UBE2W: variants seen among roughly 807,000 people sequenced by gnomAD.
The protein encoded by UBE2W is ubiquitin-conjugating enzyme E2 W.
UBE2W carries 18 observed loss-of-function variants against 27.2 expected under a neutral mutation model. The observed-to-expected ratio is 0.66, with a 90% CI of 0.46 to 0.98. The LOEUF (loss-of-function observed/expected upper bound fraction) is 0.98, where lower values mean the gene tolerates loss of function less well. Ranked by LOEUF, UBE2W falls within the 50% of genes least tolerant of loss-of-function variation. The pLI is 0.00. For missense variants in UBE2W, 90 were observed against 180.2 expected (o/e 0.50, Z 2.87); for synonymous variants, 53 against 57.2 (o/e 0.93, Z 0.33).
intron 1 of UBE2W, among the ~76,000 whole-genome samples, chr8:73,860,892 C>T (rs1486758625): frequency 6.6e-6 from 1 of 152,058 alleles, no homozygotes; most frequent in African/African-American, 2.4e-5. Context: ...CCCAGCACCT[C>T]AGGAGGCCAA....
At chr8:73,828,911 C>G (rs1283483454) in intron 2 of UBE2W, among the ~76,000 whole-genome samples, 1 of 152,100 alleles carries the variant, frequency 6.6e-6, no homozygotes, top group Non-Finnish European at 1.5e-5. Context: ...GTGCTTTCAT[C>G]ATCCTCGTTA....
chr8:73,827,998 C>T (rs1457759673), intron 2 of UBE2W, among the ~76,000 whole-genome samples: 2 of 152,148 alleles, frequency 1.3e-5, no homozygotes, highest in Non-Finnish European at 2.9e-5. Flanking sequence ...CCATCGAAGC[C>T]TATATGAAAT....
chr8:73,833,385 T>C (rs1810171983), intron 1 of UBE2W, among the ~76,000 whole-genome samples: 1 of 151,930 alleles, frequency 6.6e-6, no homozygotes, highest in African/African-American at 2.4e-5. Context: ...TTTATATGTA[T>C]AATTTTTAAA....
chr8:73,819,057 C>T (rs1038729549), intron 3 of UBE2W, among the ~76,000 whole-genome samples: 1 of 152,158 alleles, frequency 6.6e-6, no homozygotes, highest in African/African-American at 2.4e-5. Context: ...CTACATATTC[C>T]AGATTTAGAG....
chr8:73,788,297 TGAG>T lies in UBE2W; in HGVS notation c.*5802_*5804del. 2.0e-6 allele frequency: 2 copies of T among 984,148 alleles called. No homozygotes were observed. Among genetic ancestry groups the T allele is most frequent in the Non-Finnish European group, 2.4e-6 (2 of 828,744 alleles). The allele number at this position is 984,148 out of a possible 1,614,324, so 61.0% of individuals were successfully genotyped here. On this transcript the variant is annotated 3_prime_UTR_variant, in exon 6 of 6. Transcript: ENST00000602593. ...TAGTGACTTTACATATTTTGCAACT[TGAG>T]TTTATAAAATATATACATCCACCCT...
intron 2 of UBE2W, among the ~76,000 whole-genome samples, 185 bp downstream of exon 2, chr8:73,830,193 CAAT>C (rs903004859): frequency 9.9e-5 from 15 of 151,988 alleles, no homozygotes; most frequent in Non-Finnish European, 1.8e-4. Flanking sequence ...AATTATGCAA[CAAT>C]GTTTATAATG....
intron 1 of UBE2W, among the ~76,000 whole-genome samples, chr8:73,847,349 C>G (rs2130940903): frequency 6.6e-6 from 1 of 152,316 alleles, no homozygotes; most frequent in Admixed American, 6.5e-5. Flanking sequence ...GTAAGACCAG[C>G]TTGGTAGGTA....
At chr8:73,802,627 C>T (rs1351255549) in intron 5 of UBE2W, among the ~76,000 whole-genome samples, 3 of 152,192 alleles carry the variant, frequency 2.0e-5, no homozygotes, top group Admixed American at 1.3e-4. Flanking sequence ...CAGTGGCTCA[C>T]GCCTGTAATC....
intron 1 of UBE2W, among the ~76,000 whole-genome samples, chr8:73,877,306 G>A (rs1812274059): frequency 6.6e-6 from 1 of 152,256 alleles, no homozygotes; most frequent in East Asian, 1.9e-4. Flanking sequence ...AACGTCTCTG[G>A]GGAGACTAGT....
intron 1 of UBE2W, among the ~76,000 whole-genome samples, chr8:73,875,390 T>C (rs918234572): frequency 3.3e-5 from 5 of 152,186 alleles, no homozygotes; most frequent in Admixed American, 2.6e-4. Context: ...ACCTAAAAGA[T>C]GGTTGAGACG....
chr8:73,864,612 C>G (rs1811666638), intron 1 of UBE2W, among the ~76,000 whole-genome samples: 1 of 151,986 alleles, frequency 6.6e-6, no homozygotes, highest in Non-Finnish European at 1.5e-5. Context: ...CGCTCTATGG[C>G]CCAGGATGGA....
intron 1 of UBE2W, among the ~76,000 whole-genome samples, chr8:73,846,708 A>C (rs1345563530): frequency 2.0e-5 from 3 of 152,230 alleles, no homozygotes; most frequent in Non-Finnish European, 4.4e-5. Flanking sequence ...AAATAAAACA[A>C]GACAGAACGA....
rs192188982 is a variant in UBE2W at position 73,787,483 on chromosome 8, C to T, written c.*6619G>A. Reference sequence around the variant, plus strand: ...ATGGTTCATATATTTATCTAACCATCTACTAACATAGTTGTGTAGGACGGC... The same window carrying T: ...ATGGTTCATATATTTATCTAACCATTTACTAACATAGTTGTGTAGGACGGC... On this transcript the variant is annotated 3_prime_UTR_variant, in exon 6 of 6. Coordinates refer to ENST00000602593, the MANE Select transcript of UBE2W (RefSeq NM_018299.6). 3.8e-4 allele frequency: 372 copies of T among 985,404 alleles called. No homozygotes were observed. The highest frequency in any genetic ancestry group is 1.8e-4 in the Non-Finnish European group (149 of 829,922). 61.0% of individuals were successfully genotyped at this position (985,404 alleles called of 1,614,324 possible).
Position 73,788,717 on chromosome 8 carries a change from C to T in UBE2W, c.*5385G>A. 1 of 985,318 alleles carries T rather than the reference C, an allele frequency of 1.0e-6. No homozygotes were observed. Among genetic ancestry groups the T allele is most frequent in the Non-Finnish European group, 1.2e-6 (1 of 829,904 alleles). The allele number at this position is 985,318 out of a possible 1,614,324, so 61.0% of individuals were successfully genotyped here. The stretch of plus-strand genomic sequence containing the variant: ...AATCATGCTTTTGCCTTTGAGAAAA[C>T]AACTTAGAATTGTTGTAGGACCAAT... On this transcript the variant is annotated 3_prime_UTR_variant, in exon 6 of 6. Coordinates refer to ENST00000602593, the MANE Select transcript of UBE2W (RefSeq NM_018299.6).
intron 1 of UBE2W, among the ~76,000 whole-genome samples, chr8:73,853,673 C>G (rs1300428963): frequency 3.9e-5 from 6 of 152,062 alleles, no homozygotes; most frequent in African/African-American, 1.4e-4. Flanking sequence ...TTAAATACCT[C>G]AGATTGTTAT....
At chr8:73,870,283 C>T in intron 1 of UBE2W, 1 of 1,587,192 alleles carries the variant, frequency 6.3e-7, no homozygotes, top group Admixed American at 1.8e-5. Context: ...AACCATACTT[C>T]CACCCTCCTT....
rs939707134 is a variant in UBE2W, at chr8:73,780,429, T to C, written c.*51A>G. The C allele has an allele frequency of 9.7e-5, 43 of 442,352 alleles. 2 individuals are homozygous for C. The highest frequency in any genetic ancestry group is 2.0e-5 in the African/African-American group (1 of 49,392). The allele number at this position is 442,352 out of a possible 1,614,324, so 27.4% of individuals were successfully genotyped here. On this transcript the variant is annotated 3_prime_UTR_variant, in exon 5 of 5. Transcript: ENST00000523278. ...ACTCTATTTCCAAATAGGGTCACAA[T>C]TTGAGGTACTGGGAGTTAAGACTTC...
chr8:73,801,802 T>C (rs1808657340), intron 5 of UBE2W, among the ~76,000 whole-genome samples: 1 of 152,220 alleles, frequency 6.6e-6, no homozygotes, highest in African/African-American at 2.4e-5. Context: ...TTTGGAAACC[T>C]TGTCAAATAA....
intron 5 of UBE2W, among the ~76,000 whole-genome samples, chr8:73,795,587 T>C (rs375641385): frequency 6.6e-6 from 1 of 152,300 alleles, no homozygotes; most frequent in African/African-American, 2.4e-5. Flanking sequence ...CATGTTAGAA[T>C]TGATATACTG....
Sources: allele counts gnomAD v4.1 joint callset (sites outside exome capture counted in the v4.1 genomes callset), GRCh38; gene constraint gnomAD v4.1.1; transcripts MANE v1.5; gene names NCBI Gene and HGNC (gene_info 2026-07-23, HGNC 2026-07-21).